Variants in KANTR observed in about 807,000 individuals in gnomAD.
KANTR encodes KANTR integral membrane protein, also known as KDM5C adjacent transcript.
chrX:53,131,159 A>G (rs1933357300), downstream of KANTR, among the ~76,000 whole-genome samples: 1 of 110,821 alleles, frequency 9.0e-6, no homozygotes, highest in Non-Finnish European at 1.9e-5. Context: ...AAATGCTTTC[A>G]AGTCTTTGTT....
At chrX:53,118,363 G>A (rs1556815000) in intron 2 of KANTR, among the ~76,000 whole-genome samples, 1 of 111,445 alleles carries the variant, frequency 9.0e-6, no homozygotes, top group Non-Finnish European at 1.9e-5. Context: ...TATTTCACTG[G>A]GGACATATTA....
At chrX:53,127,779 G>T (rs147228927), downstream of KANTR, among the ~76,000 whole-genome samples, 4 of 111,378 alleles carry the variant, frequency 3.6e-5, no homozygotes, top group African/African-American at 1.3e-4. Context: ...CTCTCATTGG[G>T]CTTTCTGATC....
downstream of KANTR, chrX:53,142,903 G>A (rs1371581087): frequency 1.2e-4 from 74 of 597,513 alleles, no homozygotes; most frequent in Non-Finnish European, 1.6e-4. Flanking sequence ...GGACAGTGAG[G>A]CCAGGATGGA....
At chrX:53,143,318 G>T, downstream of KANTR, 1 of 642,346 alleles carries the variant, frequency 1.6e-6, no homozygotes, top group Non-Finnish European at 2.5e-6. Flanking sequence ...GCTTGGCCGT[G>T]ATGGTGAAGC....
At chrX:53,141,098 T>C (rs781841843) in intron 2 of KANTR, among the ~76,000 whole-genome samples, 1 of 112,856 alleles carries the variant, frequency 8.9e-6, no homozygotes, top group East Asian at 2.8e-4. Flanking sequence ...GAGCCAGAGG[T>C]TGCAGTGAGC....
intron 2 of KANTR, among the ~76,000 whole-genome samples, chrX:53,116,578 G>A (rs1556814607): frequency 9.0e-6 from 1 of 111,715 alleles, no homozygotes; most frequent in African/African-American, 3.2e-5. Context: ...CCTGTACCAC[G>A]GAGATAGGGA....
intron 1 of KANTR, among the ~76,000 whole-genome samples, chrX:53,098,067 A>AAAAG (rs1483374134): frequency 7.5e-5 from 8 of 107,282 alleles, no homozygotes; most frequent in African/African-American, 2.7e-4. Context: ...AAAAAAAAAA[A>AAAAG]AAAGAAAGAA....
rs1262693521 is a variant in KANTR at position 53,122,933 on chromosome X, G to A, written c.-804-536G>A. On this transcript the variant is annotated intron_variant, in intron 2 of 2. Coordinates refer to ENST00000604062, the Ensembl canonical transcript of KANTR. ...TTGGCAGTAAGGTTCTGCTGGTATA[G>A]AATGACTCAGAGTGTTCCCTCTTTT... is the stretch of plus-strand genomic sequence containing the variant. Among the ~76,000 whole-genome samples the A allele has an allele frequency of 3.6e-5, 4 of 111,783 alleles. No individual in the cohort carries two copies. In the Admixed American group the frequency reaches 3.8e-4, roughly 11 times the overall value.
intron 2 of KANTR, among the ~76,000 whole-genome samples, chrX:53,122,990 G>T (rs1443678384): frequency 8.9e-6 from 1 of 111,749 alleles, no homozygotes; most frequent in Non-Finnish European, 1.9e-5. Context: ...TATAAGTTTG[G>T]AATGATTGGT....
At chrX:53,140,173 G>A (rs781868551) in intron 2 of KANTR, among the ~76,000 whole-genome samples, 5 of 112,327 alleles carry the variant, frequency 4.5e-5, no homozygotes, top group Admixed American at 2.8e-4. Flanking sequence ...GTTCCGAAGA[G>A]CTGTCTGGAA....
chrX:53,120,181 C>A (rs1411331394), intron 2 of KANTR, among the ~76,000 whole-genome samples: 1 of 110,823 alleles, frequency 9.0e-6, no homozygotes, highest in Non-Finnish European at 1.9e-5. Context: ...ACTACAGGGG[C>A]ATGCCACCAC....
At chrX:53,103,237 A>G (rs1932910542) in intron 2 of KANTR, among the ~76,000 whole-genome samples, 1 of 110,487 alleles carries the variant, frequency 9.1e-6, no homozygotes. Context: ...GGGCCTCCCA[A>G]AGTGCTGGGA....
At chrX:53,108,205 ATT>A (rs782550643) in intron 2 of KANTR, among the ~76,000 whole-genome samples, 2 of 70,282 alleles carry the variant, frequency 2.8e-5, no homozygotes. Flanking sequence ...TTTTTTCTTA[ATT>A]TTTTTTTTTT....
At chrX:53,135,223 A>C (rs924850951) in intron 2 of KANTR, among the ~76,000 whole-genome samples, 2 of 112,178 alleles carry the variant, frequency 1.8e-5, no homozygotes, top group Admixed American at 1.9e-4. Context: ...ATGTTGAACC[A>C]TGTCTTGGAA....
At chrX:53,143,028 T>G, downstream of KANTR, 12 of 1,198,898 alleles carry the variant, frequency 1.0e-5, no homozygotes, top group Non-Finnish European at 1.4e-5. Flanking sequence ...TGGACAGCAC[T>G]GTGTTGGCGT....
chrX:53,109,068 A>G (rs913858859), intron 2 of KANTR, among the ~76,000 whole-genome samples: 12 of 112,222 alleles, frequency 1.1e-4, no homozygotes, highest in African/African-American at 3.9e-4. Flanking sequence ...AAAAAATGAC[A>G]TGGAACTTTT....
intron 2 of KANTR, among the ~76,000 whole-genome samples, chrX:53,122,548 A>G (rs1933241086): frequency 9.0e-6 from 1 of 111,630 alleles, no homozygotes; most frequent in Non-Finnish European, 1.9e-5. Context: ...CCCTATTAAG[A>G]ATGATACTGT....
chrX:53,125,542 A>C (rs782751837), exon 3 of KANTR: 20 of 110,160 alleles, frequency 1.8e-4, no homozygotes, highest in African/African-American at 5.9e-4. Context: ...CCCTATTTTT[A>C]AATTTTTTTC....
At chrX:53,117,655 G>A (rs1322145194) in intron 2 of KANTR, among the ~76,000 whole-genome samples, 4 of 80,296 alleles carry the variant, frequency 5.0e-5, no homozygotes, top group Admixed American at 1.9e-4. Flanking sequence ...TTCACTTGTC[G>A]CCCAGGCTGT....
Sources: gnomAD v4.1 joint callset for allele counts (sites outside exome capture counted in the v4.1 genomes callset) on GRCh38, gnomAD v4.1.1 for gene constraint, MANE v1.5 for transcripts, NCBI Gene and HGNC (gene_info 2026-07-23, HGNC 2026-07-21) for gene names.